PDLIM5: variants seen among roughly 807,000 people sequenced by gnomAD.
PDLIM5 encodes PDZ and LIM domain 5.
In PDLIM5, 34 loss-of-function variants were observed where a neutral mutation model predicts 64.2. The ratio of observed to expected loss-of-function variants is 0.53; its 90% CI spans 0.40 to 0.71. PDLIM5 has a LOEUF of 0.71. PDLIM5 is among the 30% of genes least tolerant of loss of function. PDLIM5 has a pLI of 0.00. For missense variants in PDLIM5, 683 were observed against 733.6 expected, an observed-to-expected ratio of 0.93 and a Z score of 0.80; for synonymous variants, 253 against 269.1, an observed-to-expected ratio of 0.94 and a Z score of 0.59.
chr4:94,658,599 T>A (rs1742404833), intron 11 of PDLIM5, among the ~76,000 whole-genome samples: 1 of 152,248 alleles, frequency 6.6e-6, no homozygotes, highest in African/African-American at 2.4e-5. Flanking sequence ...GAAGGAGGTA[T>A]TCCAAAATAA....
At chr4:94,552,891 GC>G (rs1214657005) in intron 3 of PDLIM5, among the ~76,000 whole-genome samples, 2 of 152,090 alleles carry the variant, frequency 1.3e-5, no homozygotes, top group Non-Finnish European at 2.9e-5. Flanking sequence ...TCTAGAAGGG[GC>G]AGGGCAAGAT....
chr4:94,505,230 A>G (rs1480460926), intron 2 of PDLIM5, among the ~76,000 whole-genome samples: 1 of 151,384 alleles, frequency 6.6e-6, no homozygotes, highest in East Asian at 1.9e-4. Context: ...GTCCTACAAG[A>G]CTGCTCCACA....
At chr4:94,577,726 A>G (rs1241321164) in intron 5 of PDLIM5, among the ~76,000 whole-genome samples, 1 of 151,980 alleles carries the variant, frequency 6.6e-6, no homozygotes, top group Non-Finnish European at 1.5e-5. Context: ...CATGTTTATT[A>G]AATTCCAAGT....
In PDLIM5 at chr4:94,585,098, TG is replaced by T. The variant is rs1315109486; in HGVS notation, c.711-466del. 4.0e-5 allele frequency: 29 copies of T among 716,466 alleles called. 1 individual carries two copies. The highest frequency in any genetic ancestry group is 7.8e-4 in the Middle Eastern group (2 of 2,558). 44.4% of individuals were successfully genotyped at this position (716,466 alleles called of 1,614,324 possible). A position where few individuals can be genotyped will look rare whatever the true frequency, so the allele number is the denominator to read the frequency against. On this transcript the variant is annotated intron_variant, in intron 5 of 12. Coordinates refer to ENST00000317968, the MANE Select transcript of PDLIM5 (RefSeq NM_006457.5). ...TATAATTTAAAAGGTTTTTTTGTTT[TG>T]TTTTTTTGTGAAACAGAGTCTCGCT...
intron 7 of PDLIM5, among the ~76,000 whole-genome samples, chr4:94,606,805 T>C (rs1265142630): frequency 6.6e-6 from 1 of 152,224 alleles, no homozygotes; most frequent in Non-Finnish European, 1.5e-5. Flanking sequence ...TTATATCATA[T>C]GAAAGTAGCC....
At chr4:94,548,275 C>T (rs1003619503) in intron 3 of PDLIM5, among the ~76,000 whole-genome samples, 3 of 152,156 alleles carry the variant, frequency 2.0e-5, no homozygotes, top group African/African-American at 7.2e-5. Context: ...CCATACCTAC[C>T]ACTCAAATGG....
chr4:94,476,881 G>A (rs1287253304), intron 2 of PDLIM5, among the ~76,000 whole-genome samples: 2 of 152,152 alleles, frequency 1.3e-5, no homozygotes, highest in Non-Finnish European at 2.9e-5. Context: ...GTTATTAACA[G>A]TATGCCTGTA....
intron 2 of PDLIM5, among the ~76,000 whole-genome samples, chr4:94,470,128 G>A (rs1034378030): frequency 3.3e-5 from 5 of 151,514 alleles, no homozygotes; most frequent in African/African-American, 7.3e-5. Context: ...CACCACACCC[G>A]GCTAATTTTT....
chr4:94,508,289 C>A (rs1728568513), intron 2 of PDLIM5, among the ~76,000 whole-genome samples: 1 of 152,110 alleles, frequency 6.6e-6, no homozygotes, highest in African/African-American at 2.4e-5. Context: ...TTGATAAAAG[C>A]CAACTGTGTA....
intron 7 of PDLIM5, among the ~76,000 whole-genome samples, chr4:94,613,266 G>A (rs1738517742): frequency 6.6e-6 from 1 of 152,084 alleles, no homozygotes; most frequent in Non-Finnish European, 1.5e-5. Context: ...AACCTGTGAT[G>A]TACAGTTGTC....
Position 94,665,481 on chromosome 4 carries a change from TAAAAAA to T in PDLIM5, c.*1434_*1439del, listed in dbSNP as rs10706955. ...GGTGACAGAGCAAGACTCCGGCTCT[TAAAAAA>T]AAAAAAAAAAAAAAAAAAAGAGAGA... On this transcript the variant is annotated 3_prime_UTR_variant, in exon 13 of 13. Transcript: ENST00000317968. 805 of 448,926 alleles carry T rather than the reference TAAAAAA, an allele frequency of 1.8e-3. 1 individual carries two copies. Among genetic ancestry groups the T allele is most frequent in the Middle Eastern group, 2.1e-3 (2 of 942 alleles). The allele number at this position is 448,926 out of a possible 1,614,324, so 27.8% of individuals were successfully genotyped here.
chr4:94,603,300 G>C (rs886576402), intron 7 of PDLIM5, among the ~76,000 whole-genome samples: 5 of 152,158 alleles, frequency 3.3e-5, no homozygotes, highest in African/African-American at 1.2e-4. Flanking sequence ...AACCATGCCA[G>C]AAAACACAGG....
intron 11 of PDLIM5, 21 bp from the exon 12 acceptor site, chr4:94,662,401 C>G (rs1435827601): frequency 1.8e-6 from 2 of 1,094,268 alleles, no homozygotes; most frequent in Non-Finnish European, 2.8e-6. Flanking sequence ...AATTATGTCT[C>G]TCTGCCCTCC....
chr4:94,461,162 AAAG>A (rs1723843872), intron 2 of PDLIM5, among the ~76,000 whole-genome samples: 1 of 152,234 alleles, frequency 6.6e-6, no homozygotes, highest in African/African-American at 2.4e-5. Context: ...TTTAGACAAA[AAAG>A]GAGTTATTTA....
intron 2 of PDLIM5, among the ~76,000 whole-genome samples, chr4:94,507,914 C>T (rs1435286660): frequency 6.6e-6 from 1 of 152,196 alleles, no homozygotes; most frequent in Non-Finnish European, 1.5e-5. Context: ...CTCCTTCACT[C>T]CCTCCTTGGT....
chr4:94,595,446 G>A (rs1405425928), intron 7 of PDLIM5, among the ~76,000 whole-genome samples: 1 of 152,186 alleles, frequency 6.6e-6, no homozygotes, highest in African/African-American at 2.4e-5. Flanking sequence ...CTATCTTCTA[G>A]CACCAAATAA....
At chr4:94,657,079 T>C (rs1742269462) in intron 10 of PDLIM5, among the ~76,000 whole-genome samples, 1 of 152,202 alleles carries the variant, frequency 6.6e-6, no homozygotes. Context: ...AAGTTAATGT[T>C]TCCTGACACC....
Position 94,575,754 on chromosome 4 carries a change from C to T in PDLIM5, c.430C>T (p.Pro144Ser), listed in dbSNP as rs1286252007. 1.9e-6 allele frequency: 3 copies of T among 1,614,052 alleles called. No individual in the cohort carries two copies. Among genetic ancestry groups the T allele is most frequent in the Non-Finnish European group, 1.7e-6 (2 of 1,180,030 alleles). ...SVSSPKVTSI[P>S]SPSSAFTPAH... ...GTCTTCACCAAAAGTCACATCCATCCCATCACCATCGTCTGCCTTCACCCC... is the reference window on the plus strand; with the variant it reads ...GTCTTCACCAAAAGTCACATCCATCTCATCACCATCGTCTGCCTTCACCCC... The change falls in exon 5 of 13, where the codon CCA (proline) becomes TCA (serine). Residue 144 changes from proline (P) to serine (S), a missense_variant. Transcript: ENST00000317968.
At chr4:94,611,580 AT>A (rs1738370427) in intron 7 of PDLIM5, among the ~76,000 whole-genome samples, 2 of 152,344 alleles carry the variant, frequency 1.3e-5, no homozygotes, top group South Asian at 4.1e-4. Context: ...ATAATGATCA[AT>A]TTTGATTGGC....
Sources: allele counts gnomAD v4.1 joint callset (sites outside exome capture counted in the v4.1 genomes callset), GRCh38; gene constraint gnomAD v4.1.1; transcripts MANE v1.5; gene names NCBI Gene and HGNC (gene_info 2026-07-23, HGNC 2026-07-21).